DNAI7: variants seen among roughly 807,000 people sequenced by gnomAD.
DNAI7 encodes dynein axonemal intermediate chain 7.
Under a neutral mutation model 86.6 loss-of-function variants are expected in DNAI7, and 78 were observed. That is an observed-to-expected ratio of 0.90 (90% CI 0.75 to 1.09). DNAI7 has a LOEUF of 1.09. Ranked by LOEUF, DNAI7 falls within the 50% of genes least tolerant of loss-of-function variation. The pLI is 0.00. For synonymous variants in DNAI7, 274 were observed against 273.0 expected (o/e 1.00, Z -0.04); for missense variants, 753 against 810.2 (o/e 0.93, Z 0.86).
intron 2 of DNAI7, among the ~76,000 whole-genome samples, chr12:25,167,726 A>G (rs1947650448): frequency 6.6e-6 from 1 of 152,090 alleles, no homozygotes; most frequent in African/African-American, 2.4e-5. Flanking sequence ...TTTACTTTCT[A>G]GACAGGTCCA....
rs74073332 is a variant in DNAI7, at chr12:25,188,703, G to A, written c.21+1911C>T. Among the ~76,000 whole-genome samples, 634 of 147,860 alleles carry A rather than the reference G, an allele frequency of 4.3e-3. 8 individuals carry two copies. The highest frequency in any genetic ancestry group is 0.015 in the African/African-American group (607 of 39,974). On this transcript the variant is annotated intron_variant, in intron 2 of 15. Transcript: ENST00000395987. ...AAAAAAAAAAAAAAAAAAAGTAAGC[G>A]ATTTCTTCTCTGGGTTTGGTTTCAA...
chr12:25,166,949 G>T (rs115094465), intron 2 of DNAI7, among the ~76,000 whole-genome samples: 1,906 of 152,060 alleles, frequency 0.013, 39 homozygotes, highest in African/African-American at 0.042. Context: ...CTCACTTCTT[G>T]TTGAGTCTCC....
intron 2 of DNAI7, among the ~76,000 whole-genome samples, chr12:25,186,324 T>G (rs938806735): frequency 2.0e-5 from 3 of 152,176 alleles, no homozygotes; most frequent in Non-Finnish European, 4.4e-5. Flanking sequence ...CACTCACATT[T>G]TTACTAATAC....
At chr12:25,165,238 C>T (rs1045299789) in intron 2 of DNAI7, among the ~76,000 whole-genome samples, 2 of 152,170 alleles carry the variant, frequency 1.3e-5, no homozygotes, top group Non-Finnish European at 2.9e-5. Flanking sequence ...CTTAATTAAC[C>T]TCGCCTTCAA....
chr12:25,176,901 C>CTTTTTTT (rs761004608), intron 2 of DNAI7, among the ~76,000 whole-genome samples: 28 of 118,112 alleles, frequency 2.4e-4, no homozygotes, highest in Middle Eastern at 5.1e-3. Flanking sequence ...TAACCATTTT[C>CTTTTTTT]TTTTTTTTTT....
Position 25,108,476 on chromosome 12 carries a change from TTG to T in DNAI7, c.*70_*71del. 1 of 1,282,208 alleles carries T rather than the reference TTG, an allele frequency of 7.8e-7. No individual in the cohort carries two copies. The highest frequency in any genetic ancestry group is 1.1e-6 in the Non-Finnish European group (1 of 928,374). 79.4% of individuals were successfully genotyped at this position (1,282,208 alleles called of 1,614,324 possible). On this transcript the variant is annotated 3_prime_UTR_variant, in exon 16 of 16. Transcript: ENST00000395987. The stretch of plus-strand genomic sequence containing the variant: ...GAAATGTATTCATTCACTCATTACA[TTG>T]TGTTGCAGAAATACCTGTCTTTCAC...
chr12:25,153,166 A>T (rs888516560), intron 6 of DNAI7, among the ~76,000 whole-genome samples: 1 of 152,190 alleles, frequency 6.6e-6, no homozygotes, highest in Non-Finnish European at 1.5e-5. Context: ...GTGCAGTGGT[A>T]ATCCTAGCAC....
At chr12:25,180,938 C>G (rs1357162202) in intron 2 of DNAI7, among the ~76,000 whole-genome samples, 1 of 152,078 alleles carries the variant, frequency 6.6e-6, no homozygotes, top group Non-Finnish European at 1.5e-5. Flanking sequence ...TCCTGAGTAG[C>G]TGGGATTACA....
Position 25,181,404 on chromosome 12 carries a change from C to A in DNAI7, c.21+9210G>T, listed in dbSNP as rs556379729. ...AAAGTGTTGGGATTACAGGTGTGCA[C>A]TATTGCATCCAGCCAAGACCTCAAA... is the stretch of plus-strand genomic sequence containing the variant. On this transcript the variant is annotated intron_variant, in intron 2 of 15. Coordinates refer to ENST00000395987, the MANE Select transcript of DNAI7 (RefSeq NM_018272.5). 1.2e-4 allele frequency among the ~76,000 whole-genome samples: 19 copies of A among 152,212 alleles called. No individual in the cohort carries two copies. The East Asian group carries it at 3.7e-3, about 29-fold the overall frequency.
At chr12:25,121,561 G>C (rs764499613) in intron 11 of DNAI7, among the ~76,000 whole-genome samples, 192 bp downstream of exon 11, 1 of 152,050 alleles carries the variant, frequency 6.6e-6, no homozygotes, top group Non-Finnish European at 1.5e-5. Flanking sequence ...TAGTACAAAC[G>C]TCATATTATT....
intron 2 of DNAI7, among the ~76,000 whole-genome samples, chr12:25,175,197 T>A (rs1429441987): frequency 6.6e-6 from 1 of 152,038 alleles, no homozygotes; most frequent in African/African-American, 2.4e-5. Context: ...ACTTCAAACC[T>A]CCAAAATCCT....
At chr12:25,138,786 AC>A (rs1413092061) in intron 9 of DNAI7, among the ~76,000 whole-genome samples, 2 of 103,136 alleles carry the variant, frequency 1.9e-5, no homozygotes, top group African/African-American at 5.2e-5. Context: ...CTGAAGACAC[AC>A]CTCAAGGAAC....
chr12:25,145,510 T>C (rs1944712352), intron 8 of DNAI7, among the ~76,000 whole-genome samples: 1 of 152,232 alleles, frequency 6.6e-6, no homozygotes. Context: ...AGTTATTTCC[T>C]TAACTTTTCT....
intron 2 of DNAI7, among the ~76,000 whole-genome samples, chr12:25,162,216 T>C (rs1336821990): frequency 6.6e-6 from 1 of 152,206 alleles, no homozygotes; most frequent in Non-Finnish European, 1.5e-5. Context: ...AATAAATATT[T>C]TATAAGCTAA....
At chr12:25,136,127 A>C (rs1943526007) in intron 9 of DNAI7, among the ~76,000 whole-genome samples, 2 of 152,068 alleles carry the variant, frequency 1.3e-5, no homozygotes, top group Admixed American at 6.5e-5. Flanking sequence ...CCCTAAACAA[A>C]ACTACAACCA....
intron 9 of DNAI7, among the ~76,000 whole-genome samples, chr12:25,138,760 A>G (rs952121799): frequency 6.6e-6 from 1 of 151,528 alleles, no homozygotes; most frequent in Admixed American, 6.6e-5. Context: ...ACTCTGAAAG[A>G]GCACAAATAG....
At chr12:25,142,236 T>C (rs1054117575) in intron 9 of DNAI7, among the ~76,000 whole-genome samples, 1 of 151,974 alleles carries the variant, frequency 6.6e-6, no homozygotes, top group Admixed American at 6.6e-5. Context: ...GTAAGTGAAG[T>C]AACCCAGGAA....
Position 25,109,934 on chromosome 12 carries a change from T to C in DNAI7, c.1893+193A>G, listed in dbSNP as rs7301073. Among the ~76,000 whole-genome samples, 1,162 of 152,290 alleles carry C rather than the reference T, an allele frequency of 7.6e-3. 5 individuals carry two copies. The highest frequency in any genetic ancestry group is 0.015 in the Admixed American group (224 of 15,286). On this transcript the variant is annotated intron_variant, in intron 15 of 15. Coordinates refer to ENST00000395987, the MANE Select transcript of DNAI7 (RefSeq NM_018272.5). Reference sequence around the variant, plus strand: ...CTCAGGTGATCTGCCCACCTCAGCCTCCCATAGTGCTGGGATTACAGGAAT... The same window carrying C: ...CTCAGGTGATCTGCCCACCTCAGCCCCCCATAGTGCTGGGATTACAGGAAT...
chr12:25,191,319 TCACTTGAGC>T (rs1215409633), intron 1 of DNAI7, among the ~76,000 whole-genome samples: 2 of 151,740 alleles, frequency 1.3e-5, no homozygotes, highest in African/African-American at 4.8e-5. Flanking sequence ...GGTGGGAAGA[TCACTTGAGC>T]CCGGGAGGTC....
Sources: gnomAD v4.1 joint callset for allele counts (sites outside exome capture counted in the v4.1 genomes callset) on GRCh38, gnomAD v4.1.1 for gene constraint, MANE v1.5 for transcripts, NCBI Gene and HGNC (gene_info 2026-07-23, HGNC 2026-07-21) for gene names.